The following DHX29 variants were observed in gnomAD, a reference collection of about 807,000 sequenced individuals.
DHX29 encodes ATP-dependent RNA helicase DHX29.
Under a neutral mutation model 167.9 loss-of-function variants are expected in DHX29, and 79 were observed. The observed-to-expected ratio is 0.47, with a 90% CI of 0.39 to 0.57. The LOEUF is 0.57. DHX29 is among the 20% of genes least tolerant of loss of function. DHX29 has a pLI of 0.00. For missense variants in DHX29, 1,347 were observed against 1,593.4 expected (o/e 0.85, Z 2.63); for synonymous variants, 530 against 546.0 (o/e 0.97, Z 0.41).
intron 26 of DHX29, among the ~76,000 whole-genome samples, chr5:55,257,628 A>G (rs551662293): frequency 6.6e-6 from 1 of 152,274 alleles, no homozygotes; most frequent in South Asian, 2.1e-4. Flanking sequence ...AGAGAGAGTA[A>G]AAGAAAGTAC....
intron 26 of DHX29, 94 bp from the exon 27 acceptor site, chr5:55,256,634 A>C (rs1579740685): frequency 9.2e-7 from 1 of 1,084,118 alleles, no homozygotes; most frequent in East Asian, 2.6e-5. Context: ...ATGTCACTAA[A>C]AATTTTTACA....
At chr5:55,261,658 A>G (rs1047690857) in intron 24 of DHX29, among the ~76,000 whole-genome samples, 159 bp from the exon 25 acceptor site, 2 of 152,180 alleles carry the variant, frequency 1.3e-5, no homozygotes, top group African/African-American at 4.8e-5. Context: ...TGCATAATTT[A>G]TCAATTTTAT....
intron 2 of DHX29, among the ~76,000 whole-genome samples, chr5:55,297,923 C>A (rs547262577): frequency 5.9e-4 from 89 of 152,066 alleles, no homozygotes; most frequent in South Asian, 3.5e-3. Flanking sequence ...TTATTTTTGA[C>A]CTAAGAGTAC....
At chr5:55,288,967 C>T (rs1418070836) in intron 8 of DHX29, among the ~76,000 whole-genome samples, 2 of 152,120 alleles carry the variant, frequency 1.3e-5, no homozygotes, top group Non-Finnish European at 2.9e-5. Context: ...AGTAGGCTCA[C>T]AGCCATTAAA....
intron 8 of DHX29, among the ~76,000 whole-genome samples, chr5:55,288,468 A>T (rs183033918): frequency 6.6e-6 from 1 of 151,494 alleles, no homozygotes; most frequent in East Asian, 1.9e-4. Context: ...TTAAAAAAAT[A>T]ACTAAAACAC....
chr5:55,295,313 CTT>C, intron 5 of DHX29, 64 bp downstream of exon 5: 1 of 1,242,178 alleles, frequency 8.1e-7, no homozygotes, highest in Non-Finnish European at 1.2e-6. Context: ...TATTTATACT[CTT>C]TGAACTGTTA....
At chr5:55,273,403 G>A in intron 16 of DHX29, 26 bp from the exon 17 acceptor site, 2 of 1,522,104 alleles carry the variant, frequency 1.3e-6, no homozygotes, top group Non-Finnish European at 1.8e-6. Context: ...ATAGTTCTTA[G>A]CAAGAGTTTC....
intron 8 of DHX29, among the ~76,000 whole-genome samples, chr5:55,287,474 C>T (rs1747796385): frequency 6.6e-6 from 1 of 151,992 alleles, no homozygotes; most frequent in African/African-American, 2.4e-5. Flanking sequence ...ATAAATACTA[C>T]TGAAAGAATG....
intron 6 of DHX29, among the ~76,000 whole-genome samples, chr5:55,291,335 G>A (rs1359490720): frequency 6.6e-6 from 1 of 152,142 alleles, no homozygotes; most frequent in Non-Finnish European, 1.5e-5. Context: ...AATTAAGCAA[G>A]CATATCTAGC....
At chr5:55,267,116 A>C in intron 23 of DHX29, 22 bp downstream of exon 23, 8 of 1,479,374 alleles carry the variant, frequency 5.4e-6, no homozygotes, top group Non-Finnish European at 7.5e-6. Context: ...ACTCTGAGTG[A>C]GAGATCCATA....
At chr5:55,265,384 A>C (rs905255404) in intron 23 of DHX29, among the ~76,000 whole-genome samples, 3 of 152,026 alleles carry the variant, frequency 2.0e-5, no homozygotes, top group Non-Finnish European at 2.9e-5. Flanking sequence ...AAAGAAAAAA[A>C]AAAAACAAAG....
intron 12 of DHX29, among the ~76,000 whole-genome samples, chr5:55,278,946 A>AT (rs961849150): frequency 5.9e-5 from 9 of 152,180 alleles, no homozygotes; most frequent in Admixed American, 4.6e-4. Flanking sequence ...AGGAGTTGTG[A>AT]TTTTATCCCA....
chr5:55,275,119 A>C, intron 14 of DHX29, 109 bp from the exon 15 acceptor site: 6 of 1,236,756 alleles, frequency 4.9e-6, no homozygotes, highest in Non-Finnish European at 6.7e-6. Context: ...TATTTTTCTC[A>C]TTGTCACCAT....
Position 55,261,504 on chromosome 5 carries a change from A to G in DHX29, c.3829-5T>C, listed in dbSNP as rs760546190. ...ATACACTCTGGCATACCTTATCTAC[A>G]TGGGAAAAAGGGGGGAAAATAACTT... is the stretch of plus-strand genomic sequence containing the variant. On this transcript the variant is annotated splice_polypyrimidine_tract_variant and splice_region_variant and intron_variant, in intron 24 of 26. Coordinates refer to ENST00000251636, the MANE Select transcript of DHX29 (RefSeq NM_019030.4). 28 of 1,540,440 alleles carry G rather than the reference A, an allele frequency of 1.8e-5. No individual in the cohort carries two copies. The highest frequency in any genetic ancestry group is 2.2e-5 in the Non-Finnish European group (25 of 1,126,646).
At position 55,289,418 on chromosome 5, in the gene DHX29, A is replaced by G. The variant is rs1025620075; in HGVS notation, c.918T>C (p.Thr306=). ...KIRKFQREME[T]LEDHPVFNPA... ...GGTTAAATACTGGATGGTCTTCTAA[A>G]GTTTCCATTTCTACCAAGAAAAAAA... The change falls in exon 8 of 27, where the codon ACT becomes ACC. Residue 306 remains threonine, a synonymous_variant. Coordinates refer to ENST00000251636, the MANE Select transcript of DHX29 (RefSeq NM_019030.4). The G allele has an allele frequency of 2.0e-6, 3 of 1,537,658 alleles. No individual in the cohort carries two copies. In the African/African-American group the frequency reaches 4.3e-5, roughly 22 times the overall value.
At chr5:55,279,741 T>G (rs1336145621) in intron 12 of DHX29, 2 of 155,142 alleles carry the variant, frequency 1.3e-5, no homozygotes, top group East Asian at 1.9e-4. Flanking sequence ...TGTTTTTGTT[T>G]TTTTTTTTTG....
chr5:55,264,237 C>T (rs1746446593), intron 23 of DHX29, among the ~76,000 whole-genome samples: 1 of 152,146 alleles, frequency 6.6e-6, no homozygotes, highest in African/African-American at 2.4e-5. Flanking sequence ...CTGCTTTTCA[C>T]ATTCACCTGT....
At position 55,307,660 on chromosome 5, in the gene DHX29, G is replaced by T; in HGVS notation, c.-87C>A. 2 of 1,520,646 alleles carry T rather than the reference G, an allele frequency of 1.3e-6. No homozygotes were observed. The allele number at this position is 1,520,646 out of a possible 1,614,324, so 94.2% of individuals were successfully genotyped here. A position where few individuals can be genotyped will look rare whatever the true frequency, so the allele number is the denominator to read the frequency against. ...AGAGCTCTTCACATTCCCCGGCTCC[G>T]GGGCTGCCACCCTGCGCTTCGATCC... On this transcript the variant is annotated 5_prime_UTR_variant, in exon 1 of 27. Transcript: ENST00000251636.
At position 55,297,631 on chromosome 5, in the gene DHX29, CTT is replaced by C. The variant is rs534960736; in HGVS notation, c.262-235_262-234del. Among the ~76,000 whole-genome samples, 212 of 152,240 alleles carry C rather than the reference CTT, an allele frequency of 1.4e-3. 1 individual carries two copies. Among genetic ancestry groups the C allele is most frequent in the African/African-American group, 4.9e-3 (202 of 41,552 alleles). On this transcript the variant is annotated intron_variant, in intron 2 of 26. Transcript: ENST00000251636. Reference sequence around the variant, plus strand: ...GATAACACATGGCAAGAAAAAGCCTCTTGAGGGCAATGTCACGAGACATTGTC... The same window carrying C: ...GATAACACATGGCAAGAAAAAGCCTCGAGGGCAATGTCACGAGACATTGTC...
Sources: gnomAD v4.1 joint callset for allele counts (sites outside exome capture counted in the v4.1 genomes callset) on GRCh38, gnomAD v4.1.1 for gene constraint, MANE v1.5 for transcripts, NCBI Gene and HGNC (gene_info 2026-07-23, HGNC 2026-07-21) for gene names.